Variants in MYO9A observed in about 807,000 individuals in gnomAD.
The protein encoded by MYO9A is unconventional myosin-IXa.
MYO9A carries 103 observed loss-of-function variants against 293.3 expected under a neutral mutation model. The observed-to-expected ratio is 0.35, with a 90% CI of 0.30 to 0.41. MYO9A has a LOEUF of 0.41. Among genes scored for constraint, MYO9A ranks in the 10% least tolerant of loss-of-function variants. MYO9A has a pLI of 1.00. For synonymous variants in MYO9A, 1,001 were observed against 1,035.7 expected (o/e 0.97, Z 0.64); for missense variants, 2,685 against 3,033.0 (o/e 0.89, Z 2.69).
At chr15:71,958,578 T>A (rs2059255917) in intron 14 of MYO9A, 1 of 152,190 alleles carries the variant, frequency 6.6e-6, no homozygotes, top group African/African-American at 2.4e-5. Context: ...AATGTTGTGT[T>A]TCTTAACCTA....
chr15:71,832,826 ATAAT>A (rs139778028), intron 39 of MYO9A, among the ~76,000 whole-genome samples: 75 of 152,334 alleles, frequency 4.9e-4, no homozygotes, highest in Non-Finnish European at 7.6e-4. Context: ...AAACATACAG[ATAAT>A]TAAGATACAC....
intron 15 of MYO9A, 29 bp from the exon 16 acceptor site, chr15:71,938,956 CA>C: frequency 6.6e-7 from 1 of 1,513,826 alleles, no homozygotes; most frequent in South Asian, 1.2e-5. Context: ...CAGAAAATTT[CA>C]AATCAGTGCA....
chr15:72,078,958 G>A (rs1362196599), intron 1 of MYO9A, among the ~76,000 whole-genome samples: 1 of 152,194 alleles, frequency 6.6e-6, no homozygotes, highest in Non-Finnish European at 1.5e-5. Flanking sequence ...GTTGAAAAGC[G>A]TTGTGGGAGG....
intron 41 of MYO9A, 114 bp downstream of exon 41, chr15:71,827,770 G>T: frequency 8.4e-7 from 1 of 1,195,804 alleles, no homozygotes; most frequent in Non-Finnish European, 1.2e-6. Context: ...TCAAGACTTT[G>T]TTATTGCTGA....
chr15:71,889,521 T>G (rs2142969529), intron 26 of MYO9A: 1 of 133,554 alleles, frequency 7.5e-6, no homozygotes, highest in Non-Finnish European at 1.6e-5. Context: ...AGTGGTACAA[T>G]CACAGCTCAC....
intron 32 of MYO9A, among the ~76,000 whole-genome samples, chr15:71,874,427 CA>C (rs1292706853): frequency 2.0e-5 from 3 of 151,932 alleles, no homozygotes; most frequent in African/African-American, 4.8e-5. Context: ...CAGAAGGAAC[CA>C]GGGGGAGAGT....
chr15:71,947,697 T>C (rs1464407496), intron 15 of MYO9A, among the ~76,000 whole-genome samples: 2 of 152,198 alleles, frequency 1.3e-5, no homozygotes, highest in African/African-American at 2.4e-5. Context: ...GACATTAAAG[T>C]AGGCACTGTC....
chr15:71,949,246 A>G (rs748621796), intron 15 of MYO9A, among the ~76,000 whole-genome samples: 56 of 152,094 alleles, frequency 3.7e-4, no homozygotes, highest in Admixed American at 1.0e-3. Context: ...TCTGTTGCCT[A>G]GGCTGGAGTG....
At position 71,916,393 on chromosome 15, in the gene MYO9A, G is replaced by A; in HGVS notation, c.2662C>T (p.Pro888Ser). Residue 888 changes from proline to serine, a missense_variant, in exon 19 of 42, where the codon CCC (proline) becomes TCC (serine). Coordinates refer to ENST00000356056, the MANE Select transcript of MYO9A (RefSeq NM_006901.4). The stretch of plus-strand genomic sequence containing the variant: ...ACCTGAAACTGGGCACTGATGCTGG[G>A]AGGTTTTTTCTTCTTGTGTAAATGA... ...LLHLHKKKKPPSISAQFQASL... is the reference protein window; with the variant it reads ...LLHLHKKKKPSSISAQFQASL... 6.2e-7 allele frequency: 1 copy of A among 1,613,318 alleles called. No individual in the cohort carries two copies. The highest frequency in any genetic ancestry group is 8.5e-7 in the Non-Finnish European group (1 of 1,179,784).
chr15:71,826,862 G>C lies in MYO9A; in HGVS notation c.7365C>G (p.Ser2455=). The C allele has an allele frequency of 6.2e-7, 1 of 1,614,098 alleles. No homozygotes were observed. Among genetic ancestry groups the C allele is most frequent in the South Asian group, 1.1e-5 (1 of 91,080 alleles). The change falls in exon 42 of 42, where the codon TCC becomes TCG. Residue 2455 remains serine (S), a synonymous_variant. Coordinates refer to ENST00000356056, the MANE Select transcript of MYO9A (RefSeq NM_006901.4). ...AGGCAGCTCGGTAGAATGGAGATTT[G>C]GAATAAATCTGAAATAGTTTTCTGG... ...HGTRKLFQIY[S]KSPFYRAASG... is the part of the protein sequence containing the mutation.
chr15:71,875,966 G>A, intron 31 of MYO9A, 128 bp from the exon 32 acceptor site: 1 of 482,520 alleles, frequency 2.1e-6, no homozygotes, highest in East Asian at 3.8e-5. Flanking sequence ...TTCTCCAAGA[G>A]GAACTGTGCA....
intron 18 of MYO9A, among the ~76,000 whole-genome samples, chr15:71,932,808 T>C (rs149631290): frequency 3.9e-5 from 6 of 152,268 alleles, no homozygotes; most frequent in East Asian, 3.9e-4. Flanking sequence ...TTCATTCACG[T>C]TGTTACACGC....
intron 14 of MYO9A, among the ~76,000 whole-genome samples, chr15:71,956,257 C>T (rs2146785794): frequency 7.0e-6 from 1 of 142,870 alleles, no homozygotes; most frequent in East Asian, 2.1e-4. Flanking sequence ...CTACAGTGAA[C>T]TGTGATAGCA....
At chr15:71,921,424 AT>A (rs754251577) in intron 18 of MYO9A, among the ~76,000 whole-genome samples, 1 of 152,200 alleles carries the variant, frequency 6.6e-6, no homozygotes, top group Non-Finnish European at 1.5e-5. Context: ...ATCTCAGATC[AT>A]TTTGACTTAT....
chr15:72,113,672 A>T (rs2151181578), intron 1 of MYO9A, among the ~76,000 whole-genome samples: 1 of 152,322 alleles, frequency 6.6e-6, no homozygotes, highest in South Asian at 2.1e-4. Flanking sequence ...TTTGCGGTAA[A>T]TTAGCCTGCA....
chr15:71,981,082 G>C (rs1455033409), intron 11 of MYO9A, among the ~76,000 whole-genome samples: 1 of 152,016 alleles, frequency 6.6e-6, no homozygotes, highest in Non-Finnish European at 1.5e-5. Context: ...TTTATTAACA[G>C]ATGATTAAAT....
intron 1 of MYO9A, among the ~76,000 whole-genome samples, chr15:72,097,492 T>C (rs1175575148): frequency 6.7e-6 from 1 of 149,828 alleles, no homozygotes; most frequent in East Asian, 1.9e-4. Flanking sequence ...TTATACGCAA[T>C]GGGAAAACAA....
intron 18 of MYO9A, among the ~76,000 whole-genome samples, chr15:71,920,102 G>A (rs1439981728): frequency 6.6e-6 from 1 of 152,142 alleles, no homozygotes; most frequent in East Asian, 1.9e-4. Context: ...CGTAAATCTA[G>A]AGGTAAAGGG....
At chr15:72,047,852 A>T (rs185269003) in intron 1 of MYO9A, among the ~76,000 whole-genome samples, 1,696 of 117,690 alleles carry the variant, frequency 0.014, 56 homozygotes, top group Admixed American at 0.093. Context: ...ATCTTGGCTC[A>T]CTGCACCCTC....
Sources: allele counts gnomAD v4.1 joint callset (sites outside exome capture counted in the v4.1 genomes callset), GRCh38; gene constraint gnomAD v4.1.1; transcripts MANE v1.5; gene names NCBI Gene and HGNC (gene_info 2026-07-23, HGNC 2026-07-21).